The following ENTHD1 variants were observed in gnomAD, a reference collection of about 807,000 sequenced individuals.
ENTHD1 encodes the protein ENTH domain containing 1.
A neutral mutation model predicts 39.1 loss-of-function variants in ENTHD1; 23 were observed. That is an observed-to-expected ratio of 0.59 (90% CI 0.42 to 0.83). The LOEUF is 0.83. Among genes scored for constraint, ENTHD1 ranks in the 40% least tolerant of loss-of-function variants. The pLI, the probability that ENTHD1 is intolerant of heterozygous loss-of-function variation, is 0.00. For synonymous variants in ENTHD1, 230 were observed against 258.2 expected (o/e 0.89, Z 1.05); for missense variants, 624 against 705.4 (o/e 0.88, Z 1.31).
intron 5 of ENTHD1, among the ~76,000 whole-genome samples, chr22:39,773,037 A>T (rs1399563915): frequency 1.4e-5 from 2 of 142,106 alleles, no homozygotes; most frequent in African/African-American, 5.3e-5. Flanking sequence ...TAATCCCAGC[A>T]TTTTGGGAGG....
intron 2 of ENTHD1, among the ~76,000 whole-genome samples, chr22:39,886,758 A>C (rs1029070602): frequency 6.6e-6 from 1 of 151,982 alleles, no homozygotes; most frequent in Non-Finnish European, 1.5e-5. Context: ...TCCTTTCCCT[A>C]CTGCACCTCC....
intron 2 of ENTHD1, among the ~76,000 whole-genome samples, chr22:39,871,326 G>C (rs1208996100): frequency 6.6e-6 from 1 of 152,146 alleles, no homozygotes; most frequent in Non-Finnish European, 1.5e-5. Context: ...GCTGATAGTA[G>C]TAACTAATAT....
intron 2 of ENTHD1, among the ~76,000 whole-genome samples, chr22:39,881,631 A>C (rs1371770216): frequency 6.6e-6 from 1 of 152,212 alleles, no homozygotes; most frequent in Non-Finnish European, 1.5e-5. Flanking sequence ...GCTGTCGTGA[A>C]ATTTACACTT....
chr22:39,803,829 A>T (rs1244764805), intron 5 of ENTHD1, among the ~76,000 whole-genome samples: 1 of 152,174 alleles, frequency 6.6e-6, no homozygotes, highest in Non-Finnish European at 1.5e-5. Flanking sequence ...TTTATTAACA[A>T]ATTATATGGC....
intron 2 of ENTHD1, among the ~76,000 whole-genome samples, chr22:39,879,428 A>C (rs898167825): frequency 1.5e-5 from 2 of 134,198 alleles, no homozygotes; most frequent in African/African-American, 5.8e-5. Flanking sequence ...GCACCACTGC[A>C]CTCCAGCCTG....
chr22:39,854,665 AT>A lies in ENTHD1; in HGVS notation c.592+7099del, dbSNP rs1229550402. Among the ~76,000 whole-genome samples, 3 of 152,144 alleles carry A rather than the reference AT, an allele frequency of 2.0e-5. No homozygotes were observed. In the East Asian group the frequency reaches 5.8e-4, roughly 29 times the overall value. ...CATCGAAACAAAAACCACCCAGGCT[AT>A]CTACTAGAATTAAAACTTGGGAAAA... is the stretch of plus-strand genomic sequence containing the variant. On this transcript the variant is annotated intron_variant, in intron 3 of 6. Transcript: ENST00000325157.
chr22:39,847,890 G>C (rs75424411), intron 3 of ENTHD1, among the ~76,000 whole-genome samples: 11,361 of 152,224 alleles, frequency 0.075, 477 homozygotes, highest in South Asian at 0.12. Context: ...TTATTATCTC[G>C]CAGTTCTGTA....
intron 3 of ENTHD1, among the ~76,000 whole-genome samples, chr22:39,841,032 G>A (rs780828192): frequency 2.0e-5 from 3 of 152,180 alleles, no homozygotes; most frequent in South Asian, 2.1e-4. Context: ...GAGCCACCGC[G>A]CCTGGCTAAC....
In ENTHD1 at chr22:39,867,789, G is replaced by A. The variant is rs748934989; in HGVS notation, c.350-5782C>T. On this transcript the variant is annotated intron_variant, in intron 2 of 6. Transcript: ENST00000325157. This position sits in a 1 kb window ranked among gnomAD's most constrained non-coding sequence, Gnocchi z 4.5. ...GCCTGGGCGATGAGAGCACAACTCC[G>A]TCTCAAAAAAAAAATCCCTCCAGTC... Among the ~76,000 whole-genome samples the A allele has an allele frequency of 6.6e-6, 1 of 151,462 alleles. No homozygotes were observed. The highest frequency in any genetic ancestry group is 2.4e-5 in the African/African-American group (1 of 41,164).
intron 2 of ENTHD1, among the ~76,000 whole-genome samples, chr22:39,863,463 A>G (rs2066160288): frequency 6.6e-6 from 1 of 152,218 alleles, no homozygotes; most frequent in Non-Finnish European, 1.5e-5. Context: ...CAGGTGGTCT[A>G]TCTGGGCCTG....
rs759604544 is a variant in ENTHD1, at chr22:39,861,853, C to T, written c.504G>A (p.Leu168=). ...GTGTGGGGGCAGAAGTGCACGCTGT[C>T]AGTGAGTTACTTGAACCAAGTTGTC... ...SKRQLGSSNS[L]TACTSAPTPD... The change falls in exon 3 of 7, where the codon CTG becomes CTA. Residue 168 remains leucine (L), a synonymous_variant. Transcript: ENST00000325157. The T allele has an allele frequency of 1.9e-6, 3 of 1,605,610 alleles. No homozygotes were observed. The highest frequency in any genetic ancestry group is 2.6e-6 in the Non-Finnish European group (3 of 1,174,318).
chr22:39,790,990 C>T (rs2065499317), intron 5 of ENTHD1, among the ~76,000 whole-genome samples: 2 of 151,894 alleles, frequency 1.3e-5, no homozygotes. Context: ...GTGTACGTGG[C>T]GAGGGCAGGG....
At chr22:39,794,543 C>T (rs1217194811) in intron 5 of ENTHD1, among the ~76,000 whole-genome samples, 1 of 152,036 alleles carries the variant, frequency 6.6e-6, no homozygotes, top group Non-Finnish European at 1.5e-5. Flanking sequence ...TGGCTCACGC[C>T]TGTAATCCCC....
At chr22:39,760,181 A>G (rs570415524) in intron 6 of ENTHD1, among the ~76,000 whole-genome samples, 8 of 152,150 alleles carry the variant, frequency 5.3e-5, no homozygotes, top group African/African-American at 1.7e-4. Context: ...TACTTTCTAC[A>G]TACTCATGGA....
chr22:39,816,897 A>G (rs1283654666), intron 5 of ENTHD1, among the ~76,000 whole-genome samples: 1 of 151,930 alleles, frequency 6.6e-6, no homozygotes, highest in Non-Finnish European at 1.5e-5. Context: ...TCAGATATCT[A>G]TGTATATATC....
intron 5 of ENTHD1, among the ~76,000 whole-genome samples, chr22:39,797,724 A>C (rs536474977): frequency 2.0e-5 from 3 of 152,070 alleles, no homozygotes; most frequent in Non-Finnish European, 4.4e-5. Flanking sequence ...TCTTGGCTGG[A>C]AAGTTTTTTT....
chr22:39,807,595 C>G (rs550975256), intron 5 of ENTHD1, among the ~76,000 whole-genome samples: 10 of 152,306 alleles, frequency 6.6e-5, no homozygotes, highest in Admixed American at 1.3e-4. Flanking sequence ...GCCCACTCCT[C>G]CTGTTCCTCC....
chr22:39,847,197 T>G (rs965183160), intron 3 of ENTHD1, among the ~76,000 whole-genome samples: 8 of 152,032 alleles, frequency 5.3e-5, no homozygotes, highest in African/African-American at 1.9e-4. Flanking sequence ...GCCATAAAAA[T>G]GATGAGTTCA....
chr22:39,888,764 T>A (rs779176406), intron 1 of ENTHD1, among the ~76,000 whole-genome samples: 23 of 148,598 alleles, frequency 1.5e-4, no homozygotes, highest in Non-Finnish European at 2.7e-4. Flanking sequence ...GAGATGGGGG[T>A]CTCAATATGT....
Sources: allele counts gnomAD v4.1 joint callset (sites outside exome capture counted in the v4.1 genomes callset), GRCh38; gene constraint gnomAD v4.1.1; non-coding constraint Gnocchi (gnomAD v3.1); transcripts MANE v1.5; gene names NCBI Gene and HGNC (gene_info 2026-07-23, HGNC 2026-07-21).